GHR: variants seen among roughly 807,000 people sequenced by gnomAD.
GHR encodes growth hormone receptor, also known as GH receptor.
A neutral mutation model predicts 67.1 loss-of-function variants in GHR; 35 were observed. The ratio of observed to expected loss-of-function variants is 0.52; its 90% CI spans 0.40 to 0.69. The LOEUF (loss-of-function observed/expected upper bound fraction) is 0.69, where lower values mean the gene tolerates loss of function less well. GHR is among the 30% of genes least tolerant of loss of function. The pLI is 0.00. For synonymous variants in GHR, 272 were observed against 269.1 expected (o/e 1.01, Z -0.10); for missense variants, 792 against 764.6 (o/e 1.04, Z -0.42).
At chr5:42,694,894 C>CT in intron 4 of GHR, 23 bp from the exon 5 acceptor site, 4 of 1,573,002 alleles carry the variant, frequency 2.5e-6, no homozygotes, top group Non-Finnish European at 3.5e-6. Flanking sequence ...AACAATTAAT[C>CT]TTTTTTTAAC....
chr5:42,690,810 T>G (rs1757387815), intron 4 of GHR, among the ~76,000 whole-genome samples: 1 of 152,006 alleles, frequency 6.6e-6, no homozygotes, highest in South Asian at 2.1e-4. Context: ...GTAAACAGAG[T>G]TGATTTCTAT....
At chr5:42,514,431 C>A in intron 1 of GHR, 1 of 477,598 alleles carries the variant, frequency 2.1e-6, no homozygotes, top group Non-Finnish European at 2.7e-6. Context: ...GCTATTCAAA[C>A]TCCCAGCTAT....
intron 3 of GHR, among the ~76,000 whole-genome samples, chr5:42,670,465 A>C (rs1314890942): frequency 6.6e-6 from 1 of 152,234 alleles, no homozygotes; most frequent in Non-Finnish European, 1.5e-5. Flanking sequence ...TCTAGGCAGA[A>C]GTTTCATGGA....
At chr5:42,685,827 G>C (rs551231960) in intron 3 of GHR, among the ~76,000 whole-genome samples, 1 of 152,158 alleles carries the variant, frequency 6.6e-6, no homozygotes, top group South Asian at 2.1e-4. Context: ...GTTCTTTGTA[G>C]ATTCTGGATA....
At chr5:42,522,851 A>G (rs1314251054) in intron 1 of GHR, among the ~76,000 whole-genome samples, 8 of 152,228 alleles carry the variant, frequency 5.3e-5, no homozygotes, top group Non-Finnish European at 1.0e-4. Context: ...CTTCTGTTCA[A>G]CAAAGGCCTC....
chr5:42,604,090 G>C (rs1382182055), intron 2 of GHR, among the ~76,000 whole-genome samples: 1 of 152,196 alleles, frequency 6.6e-6, no homozygotes, highest in Non-Finnish European at 1.5e-5. Flanking sequence ...AGATGTCTAG[G>C]GTAAGGTCAG....
chr5:42,475,109 C>T (rs1561326453), intron 1 of GHR, among the ~76,000 whole-genome samples: 2 of 152,090 alleles, frequency 1.3e-5, no homozygotes, highest in Admixed American at 6.6e-5. Flanking sequence ...GTCTGGAACT[C>T]CTGACCTCAA....
intron 5 of GHR, among the ~76,000 whole-genome samples, chr5:42,696,465 G>A (rs1408058348): frequency 3.3e-5 from 5 of 152,208 alleles, no homozygotes; most frequent in African/African-American, 4.8e-5. Flanking sequence ...TTTTAAAAAA[G>A]TGATGACCCA....
chr5:42,458,170 A>G (rs1979994), intron 1 of GHR, among the ~76,000 whole-genome samples: 2,840 of 152,242 alleles, frequency 0.019, 153 homozygotes, highest in East Asian at 0.11. Flanking sequence ...GACAATGAGA[A>G]TGTTTTTGTC....
chr5:42,476,694 G>C (rs1745339879), intron 1 of GHR, among the ~76,000 whole-genome samples: 1 of 152,044 alleles, frequency 6.6e-6, no homozygotes, highest in Admixed American at 6.5e-5. Context: ...TTCTGACACA[G>C]AAATACTGGC....
At chr5:42,698,699 C>G (rs1167709479) in intron 5 of GHR, among the ~76,000 whole-genome samples, 1 of 152,132 alleles carries the variant, frequency 6.6e-6, no homozygotes, top group African/African-American at 2.4e-5. Flanking sequence ...CTGTGTATAT[C>G]TGTAAAGTTA....
chr5:42,596,569 A>ACTCCTC lies in GHR; in HGVS notation c.70+30629_70+30634dup, dbSNP rs139068606. 5.7e-4 allele frequency among the ~76,000 whole-genome samples: 87 copies of ACTCCTC among 151,906 alleles called. No homozygotes were observed. The East Asian group carries it at 0.016, about 28-fold the overall frequency. On this transcript the variant is annotated intron_variant, in intron 2 of 9. Coordinates refer to ENST00000230882, the MANE Select transcript of GHR (RefSeq NM_000163.5). Reference sequence around the variant, plus strand: ...AAGTTACCTAGTTGGCACAGCATTGACTCCTCCTCTGGTGTGATTAGGGGC... The same window carrying ACTCCTC: ...AAGTTACCTAGTTGGCACAGCATTGACTCCTCCTCCTCCTCTGGTGTGATTAGGGGC...
intron 1 of GHR, among the ~76,000 whole-genome samples, chr5:42,536,373 AG>A (rs1308105593): frequency 3.3e-5 from 5 of 152,296 alleles, no homozygotes; most frequent in South Asian, 2.1e-4. Flanking sequence ...TTAATCTGAA[AG>A]GGATGCTGGA....
At chr5:42,612,097 G>A (rs62371991) in intron 2 of GHR, among the ~76,000 whole-genome samples, 3,735 of 152,216 alleles carry the variant, frequency 0.025, 79 homozygotes, top group Non-Finnish European at 0.041. Context: ...TGATACTTAG[G>A]ATAATAGTAT....
At chr5:42,459,578 G>A (rs1744401531) in intron 1 of GHR, among the ~76,000 whole-genome samples, 1 of 152,104 alleles carries the variant, frequency 6.6e-6, no homozygotes, top group African/African-American at 2.4e-5. Context: ...CTTATTACCT[G>A]AGTGGCAAAA....
At chr5:42,497,412 G>A (rs1746365522) in intron 1 of GHR, among the ~76,000 whole-genome samples, 1 of 152,036 alleles carries the variant, frequency 6.6e-6, no homozygotes, top group African/African-American at 2.4e-5. Flanking sequence ...TAAGCTCTCT[G>A]GCTGTTTCAT....
rs138247980 is a variant in GHR at position 42,610,728 on chromosome 5, G to T, written c.71-18310G>T. On this transcript the variant is annotated intron_variant, in intron 2 of 9. Transcript: ENST00000230882. ...AGAGAGAAGGAGGGAAGAAAGGAAA[G>T]AGGTAGGGAGGGAGGGAAAGTCTTA... 7.8e-4 allele frequency among the ~76,000 whole-genome samples: 119 copies of T among 152,194 alleles called. 1 individual carries two copies. The highest frequency in any genetic ancestry group is 2.8e-3 in the African/African-American group (118 of 41,524).
intron 2 of GHR, among the ~76,000 whole-genome samples, chr5:42,603,010 CTT>C (rs1752454716): frequency 6.6e-6 from 1 of 152,098 alleles, no homozygotes; most frequent in Non-Finnish European, 1.5e-5. Context: ...TAAGAGCTAT[CTT>C]TGGCATTTCT....
At chr5:42,536,181 C>T (rs1467379801) in intron 1 of GHR, among the ~76,000 whole-genome samples, 9 of 152,084 alleles carry the variant, frequency 5.9e-5, no homozygotes, top group Admixed American at 5.2e-4. Flanking sequence ...ATTGCTCTGG[C>T]TAGGACTCCC....
Sources: gnomAD v4.1 joint callset for allele counts (sites outside exome capture counted in the v4.1 genomes callset) on GRCh38, gnomAD v4.1.1 for gene constraint, MANE v1.5 for transcripts, NCBI Gene and HGNC (gene_info 2026-07-23, HGNC 2026-07-21) for gene names.